Variants in AP1S3 observed in about 807,000 individuals in gnomAD.
AP1S3 encodes the protein adaptor related protein complex 1 subunit sigma 3, also known as AP-1 complex subunit sigma-3.
In AP1S3, 10 loss-of-function variants were observed where a neutral mutation model predicts 20.9. That is an observed-to-expected ratio of 0.48 (90% CI 0.29 to 0.81). The LOEUF (loss-of-function observed/expected upper bound fraction) is 0.81, where lower values mean the gene tolerates loss of function less well. Ranked by LOEUF, AP1S3 falls within the 30% of genes least tolerant of loss-of-function variation. The pLI, the probability that AP1S3 is intolerant of heterozygous loss-of-function variation, is 0.08. For synonymous variants in AP1S3, 41 were observed against 61.5 expected, an observed-to-expected ratio of 0.67 and a Z score of 1.56; for missense variants, 154 against 183.8, an observed-to-expected ratio of 0.84 and a Z score of 0.94.
chr2:223,831,344 G>A (rs980896383), intron 1 of AP1S3, among the ~76,000 whole-genome samples: 3 of 151,980 alleles, frequency 2.0e-5, no homozygotes, highest in African/African-American at 4.8e-5. Flanking sequence ...ATGTTGCCTG[G>A]GCTGGTCTCG....
intron 1 of AP1S3, among the ~76,000 whole-genome samples, chr2:223,809,557 T>C (rs1308000749): frequency 6.6e-6 from 1 of 151,330 alleles, no homozygotes; most frequent in Non-Finnish European, 1.5e-5. Flanking sequence ...AGGCAGAGAA[T>C]TGCTTGAACC....
intron 3 of AP1S3, among the ~76,000 whole-genome samples, chr2:223,767,777 T>C (rs2106081339): frequency 6.6e-6 from 1 of 152,284 alleles, no homozygotes; most frequent in Admixed American, 6.5e-5. Context: ...TTTTGCTTAG[T>C]AGTTGCAATC....
intron 1 of AP1S3, among the ~76,000 whole-genome samples, chr2:223,813,675 C>A (rs1213660856): frequency 6.6e-6 from 1 of 152,180 alleles, no homozygotes; most frequent in Admixed American, 6.5e-5. Context: ...CCCCTCTATC[C>A]CTTCATAAGA....
chr2:223,757,740 G>A lies in AP1S3; in HGVS notation c.*975C>T. The A allele has an allele frequency of 1.0e-6, 1 of 985,342 alleles. No individual in the cohort carries two copies. Among genetic ancestry groups the A allele is most frequent in the African/African-American group, 1.7e-5 (1 of 57,340 alleles). 61.0% of individuals were successfully genotyped at this position (985,342 alleles called of 1,614,324 possible). A position where few individuals can be genotyped will look rare whatever the true frequency, so the allele number is the denominator to read the frequency against. ...GAGGAAAGGGTAAGAAAAGAAAAAA[G>A]AAGGAAAGGAATCTACCATATAGGC... is the stretch of plus-strand genomic sequence containing the variant. On this transcript the variant is annotated 3_prime_UTR_variant, in exon 5 of 5. Coordinates refer to ENST00000396654, the MANE Select transcript of AP1S3 (RefSeq NM_001039569.2).
intron 4 of AP1S3, among the ~76,000 whole-genome samples, chr2:223,761,600 C>A (rs1209165567): frequency 3.3e-5 from 5 of 152,014 alleles, no homozygotes; most frequent in Non-Finnish European, 7.4e-5. Flanking sequence ...AATTTTATTA[C>A]TTTTTGTAGA....
intron 1 of AP1S3, among the ~76,000 whole-genome samples, chr2:223,832,131 CTCTCTGTGTGTGTGTGTGTGTG>C (rs1185758577): frequency 2.6e-5 from 3 of 114,746 alleles, no homozygotes; most frequent in East Asian, 3.7e-4. Flanking sequence ...AAGGAGTTTT[CTCTCTGTGTGTGTGTGTGTGTG>C]TGTGTGTGTG....
At chr2:223,826,058 A>G (rs10933021) in intron 1 of AP1S3, among the ~76,000 whole-genome samples, 73,559 of 152,006 alleles carry the variant, frequency 0.48, 17,895 homozygotes, top group Middle Eastern at 0.57. Flanking sequence ...ACCCTGAAAC[A>G]GTATTATTTT....
chr2:223,830,245 G>A (rs1168691275), intron 1 of AP1S3, among the ~76,000 whole-genome samples: 1 of 151,848 alleles, frequency 6.6e-6, no homozygotes, highest in Non-Finnish European at 1.5e-5. Context: ...TTGGGAGGCC[G>A]AGGCAGGCAG....
chr2:223,832,088 AATC>A (rs1559149453), intron 1 of AP1S3, among the ~76,000 whole-genome samples: 1 of 134,404 alleles, frequency 7.4e-6, no homozygotes, highest in Non-Finnish European at 1.6e-5. Context: ...AAAAAAAAAA[AATC>A]AAAAAAAGGA....
At position 223,755,990 on chromosome 2, in the gene AP1S3, CG is replaced by C. The variant is rs1374981270; in HGVS notation, c.*2724del. ...ATATGGTGACAAATTTCAAAAGAAC[CG>C]GAAAAACTATGATGGATTTACATGA... On this transcript the variant is annotated 3_prime_UTR_variant, in exon 5 of 5. Coordinates refer to ENST00000396654, the MANE Select transcript of AP1S3 (RefSeq NM_001039569.2). 1.9e-5 allele frequency: 19 copies of C among 985,312 alleles called. No homozygotes were observed. Among genetic ancestry groups the C allele is most frequent in the Non-Finnish European group, 2.3e-5 (19 of 829,922 alleles). The allele number at this position is 985,312 out of a possible 1,614,324, so 61.0% of individuals were successfully genotyped here.
intron 1 of AP1S3, among the ~76,000 whole-genome samples, chr2:223,790,305 C>T (rs915481122): frequency 1.3e-5 from 2 of 150,200 alleles, no homozygotes; most frequent in African/African-American, 4.9e-5. Context: ...GATCTCAGCT[C>T]ACTGCAACCT....
chr2:223,805,930 C>G (rs1691569207), intron 1 of AP1S3, among the ~76,000 whole-genome samples: 1 of 152,040 alleles, frequency 6.6e-6, no homozygotes, highest in Non-Finnish European at 1.5e-5. Flanking sequence ...ACTAATTGGC[C>G]AACTGCAGAA....
intron 1 of AP1S3, among the ~76,000 whole-genome samples, chr2:223,805,631 A>G (rs138488020): frequency 1.6e-3 from 245 of 152,322 alleles, no homozygotes; most frequent in African/African-American, 5.7e-3. Flanking sequence ...ACTTTAACAA[A>G]TAAGTGCTAA....
chr2:223,821,841 T>G (rs1486098196), intron 1 of AP1S3, among the ~76,000 whole-genome samples: 1 of 152,220 alleles, frequency 6.6e-6, no homozygotes, highest in Non-Finnish European at 1.5e-5. Context: ...GTTATGTTCA[T>G]AGAGACATAT....
At chr2:223,829,069 G>A (rs1330439338) in intron 1 of AP1S3, among the ~76,000 whole-genome samples, 1 of 152,030 alleles carries the variant, frequency 6.6e-6, no homozygotes, top group East Asian at 1.9e-4. Flanking sequence ...CTCCTGACGT[G>A]GTGATCCACC....
At chr2:223,802,041 G>A (rs1039566992) in intron 1 of AP1S3, among the ~76,000 whole-genome samples, 1 of 152,160 alleles carries the variant, frequency 6.6e-6, no homozygotes, top group East Asian at 1.9e-4. Context: ...TTGATCAAAC[G>A]TGGGCTCTTA....
At chr2:223,772,061 C>T (rs1361854801) in intron 3 of AP1S3, among the ~76,000 whole-genome samples, 4 of 152,150 alleles carry the variant, frequency 2.6e-5, no homozygotes, top group Admixed American at 1.3e-4. Context: ...GAGCCGAGAC[C>T]GCGCCACTGC....
intron 3 of AP1S3, among the ~76,000 whole-genome samples, chr2:223,770,603 A>G (rs1428037607): frequency 6.6e-6 from 1 of 152,028 alleles, no homozygotes; most frequent in African/African-American, 2.4e-5. Flanking sequence ...CATTACAGAG[A>G]ATGTTACAAC....
intron 1 of AP1S3, among the ~76,000 whole-genome samples, chr2:223,817,925 T>C (rs1006008786): frequency 2.0e-5 from 3 of 152,072 alleles, no homozygotes; most frequent in Admixed American, 1.3e-4. Context: ...CATTCATCAA[T>C]AAAAATGACC....
Sources: allele counts gnomAD v4.1 joint callset (sites outside exome capture counted in the v4.1 genomes callset), GRCh38; gene constraint gnomAD v4.1.1; transcripts MANE v1.5; gene names NCBI Gene and HGNC (gene_info 2026-07-23, HGNC 2026-07-21).